Variants in EIF2AK4 observed in about 807,000 individuals in gnomAD.
EIF2AK4 encodes eukaryotic translation initiation factor 2 alpha kinase 4, also known as eIF-2-alpha kinase GCN2.
Under a neutral mutation model 211.1 loss-of-function variants are expected in EIF2AK4, and 139 were observed. The ratio of observed to expected loss-of-function variants is 0.66; its 90% CI spans 0.57 to 0.76. The LOEUF (loss-of-function observed/expected upper bound fraction) is 0.76. Ranked by LOEUF, EIF2AK4 falls within the 30% of genes least tolerant of loss-of-function variation. EIF2AK4 has a pLI of 0.00. For missense variants in EIF2AK4, 1,664 were observed against 2,043.8 expected, an observed-to-expected ratio of 0.81 and a Z score of 3.58; for synonymous variants, 710 against 751.3, an observed-to-expected ratio of 0.94 and a Z score of 0.90.
chr15:39,983,955 G>C (rs985579720), intron 13 of EIF2AK4, among the ~76,000 whole-genome samples: 1 of 152,070 alleles, frequency 6.6e-6, no homozygotes, highest in Non-Finnish European at 1.5e-5. Context: ...GTATTGCCTA[G>C]GTTTTCTTCT....
chr15:39,989,151 G>A (rs901095916), intron 15 of EIF2AK4, among the ~76,000 whole-genome samples: 1 of 152,216 alleles, frequency 6.6e-6, no homozygotes, highest in African/African-American at 2.4e-5. Context: ...GAGTAACTTA[G>A]CTTGTCGCAT....
At chr15:39,934,597 A>T (rs1006062409) in intron 1 of EIF2AK4, among the ~76,000 whole-genome samples, 2 of 152,092 alleles carry the variant, frequency 1.3e-5, no homozygotes, top group Non-Finnish European at 2.9e-5. Context: ...CTTACCTGGC[A>T]CTGCTTCTTA....
At chr15:39,995,093 C>G (rs2035001439) in intron 18 of EIF2AK4, among the ~76,000 whole-genome samples, 1 of 152,164 alleles carries the variant, frequency 6.6e-6, no homozygotes, top group Non-Finnish European at 1.5e-5. Flanking sequence ...CCACTTGCCT[C>G]AGCCTCCCAA....
At chr15:39,991,124 A>T (rs1211787861) in intron 16 of EIF2AK4, 2 of 152,310 alleles carry the variant, frequency 1.3e-5, no homozygotes, top group Non-Finnish European at 2.9e-5. Context: ...TGGGAAATGC[A>T]GTTAATTCCA....
At chr15:40,019,039 T>C in intron 29 of EIF2AK4, 54 bp from the exon 30 acceptor site, 1 of 1,319,060 alleles carries the variant, frequency 7.6e-7, no homozygotes, top group Non-Finnish European at 1.1e-6. Flanking sequence ...GTTTTCCCCG[T>C]AATCACAGTT....
At chr15:40,030,299 G>T (rs1300055347) in intron 34 of EIF2AK4, 60 bp from the exon 35 acceptor site, 2 of 1,505,514 alleles carry the variant, frequency 1.3e-6, no homozygotes, top group African/African-American at 1.4e-5. Flanking sequence ...TCTCTCTGTA[G>T]TATGTTGTAG....
chr15:40,008,144 T>C lies in EIF2AK4; in HGVS notation c.3525T>C (p.Ala1175=). The change falls in exon 25 of 39, where the codon GCT becomes GCC. Residue 1175 remains alanine, a synonymous_variant. Transcript: ENST00000263791. ...CCACCAACAGCTTTCTGCCCACTGC[T>C]GAAATTATCTACACTATCTATGAAA... ...TSTTNSFLPT[A]EIIYTIYEII... 1 of 1,612,462 alleles carries C rather than the reference T, an allele frequency of 6.2e-7. No individual in the cohort carries two copies. Among genetic ancestry groups the C allele is most frequent in the South Asian group, 1.1e-5 (1 of 90,598 alleles).
Position 40,009,675 on chromosome 15 carries a change from G to A in EIF2AK4, c.3638G>A (p.Cys1213Tyr). 1 of 1,610,478 alleles carries A rather than the reference G, an allele frequency of 6.2e-7. No individual in the cohort carries two copies. Among genetic ancestry groups the A allele is most frequent in the Non-Finnish European group, 8.5e-7 (1 of 1,178,504 alleles). The change falls in exon 26 of 39, where the codon TGT (cysteine) becomes TAT (tyrosine). Residue 1213 changes from cysteine to tyrosine, a missense_variant. Physicochemically the swap from Cys to Tyr is radical, Grantham distance 194. Around this residue, in one of 7 missense-constraint regions of EIF2AK4, gnomAD observed 622 missense variants for 796.8 expected, o/e 0.78. Transcript: ENST00000263791. ...TTATTGAAAGCAATACTCTTACACT[G>A]TGGGATCCCAGAAGATAAACTCAGT... ...TMLLKAILLH[C>Y]GIPEDKLSQV...
At chr15:39,953,509 T>A (rs1277326614) in intron 4 of EIF2AK4, among the ~76,000 whole-genome samples, 1 of 152,214 alleles carries the variant, frequency 6.6e-6, no homozygotes, top group Non-Finnish European at 1.5e-5. Flanking sequence ...TTCACCAAGC[T>A]GACCGGGACC....
At position 39,967,704 on chromosome 15, in the gene EIF2AK4, G is replaced by C. The variant is rs763402151; in HGVS notation, c.1378G>C (p.Glu460Gln). Reference sequence around the variant, plus strand: ...AGACATTTGCAAGGAGGATGTGTTTGAGCAAACCCGAGTTCGTTTTAGTGA... The same window carrying C: ...AGACATTTGCAAGGAGGATGTGTTTCAGCAAACCCGAGTTCGTTTTAGTGA... ...LADICKEDVF[E>Q]QTRVRFSDNA... Residue 460 changes from glutamate to glutamine, a missense_variant, in exon 9 of 39, where the codon GAG (glutamate) becomes CAG (glutamine). This residue lies in a region of EIF2AK4 where 641 missense variants were observed against 729.6 expected (regional missense o/e 0.88). Transcript: ENST00000263791. 6.2e-7 allele frequency: 1 copy of C among 1,614,198 alleles called. No homozygotes were observed. Among genetic ancestry groups the C allele is most frequent in the Non-Finnish European group, 8.5e-7 (1 of 1,180,036 alleles).
intron 32 of EIF2AK4, among the ~76,000 whole-genome samples, chr15:40,024,270 AC>A (rs1448254143): frequency 2.0e-5 from 3 of 149,214 alleles, no homozygotes; most frequent in African/African-American, 7.7e-5. Context: ...CTGGCCTTGA[AC>A]GCCTGGGCTC....
chr15:39,934,181 G>A lies in EIF2AK4; in HGVS notation c.-15G>A. On this transcript the variant is annotated 5_prime_UTR_variant, in exon 1 of 39. Coordinates refer to ENST00000263791, the MANE Select transcript of EIF2AK4 (RefSeq NM_001013703.4). ...CGCCCAGGCAAGGCCGCCCTGCCTTGGGCGCAGCGCTGCCATGGCTGGGGG... is the reference window on the plus strand; with the variant it reads ...CGCCCAGGCAAGGCCGCCCTGCCTTAGGCGCAGCGCTGCCATGGCTGGGGG... The A allele has an allele frequency of 1.3e-6, 2 of 1,503,884 alleles. No homozygotes were observed. The highest frequency in any genetic ancestry group is 2.9e-5 in the African/African-American group (2 of 69,566). 93.2% of individuals were successfully genotyped at this position (1,503,884 alleles called of 1,614,324 possible). A position where few individuals can be genotyped will look rare whatever the true frequency, so the allele number is the denominator to read the frequency against.
intron 34 of EIF2AK4, 84 bp downstream of exon 34, chr15:40,029,548 C>T (rs2035510842): frequency 3.7e-6 from 5 of 1,351,562 alleles, no homozygotes; most frequent in Non-Finnish European, 4.1e-6. Context: ...CTGCTTGTGA[C>T]ACTGGAAATC....
intron 38 of EIF2AK4, 80 bp from the exon 39 acceptor site, chr15:40,034,947 A>C: frequency 1.8e-6 from 2 of 1,107,236 alleles, no homozygotes; most frequent in Non-Finnish European, 2.6e-6. Flanking sequence ...AAGCTCCTAC[A>C]GGTGTTATAA....
At chr15:40,020,832 A>G (rs2035377005) in intron 30 of EIF2AK4, 67 bp from the exon 31 acceptor site, 1 of 1,439,868 alleles carries the variant, frequency 6.9e-7, no homozygotes, top group Non-Finnish European at 9.3e-7. Flanking sequence ...TCCCCTCCTG[A>G]TGCTGGTTTC....
intron 6 of EIF2AK4, among the ~76,000 whole-genome samples, chr15:39,957,718 G>A (rs1300607473): frequency 6.6e-6 from 1 of 152,144 alleles, no homozygotes; most frequent in African/African-American, 2.4e-5. Context: ...GTAGGTGCCT[G>A]GTCAACATCT....
rs1049779930 is a variant in EIF2AK4 at position 39,969,989 on chromosome 15, C to T, written c.1553+2110C>T. 2.0e-5 allele frequency among the ~76,000 whole-genome samples: 3 copies of T among 152,292 alleles called. No homozygotes were observed. The East Asian group carries it at 5.8e-4, about 29-fold the overall frequency. Reference sequence around the variant, plus strand: ...CCTACTGGCTGAGTGAATTAACCCCCTGCCCTGCGTTTCCTCCTCTGTGAA... The same window carrying T: ...CCTACTGGCTGAGTGAATTAACCCCTTGCCCTGCGTTTCCTCCTCTGTGAA... On this transcript the variant is annotated intron_variant, in intron 9 of 38. Transcript: ENST00000263791.
In EIF2AK4 at chr15:39,955,752, T is replaced by C; in HGVS notation, c.727T>C (p.Ser243Pro). ...FVGNGKHRAN[S>P]SGRSRRERQY... ...AGGAAATGGTAAACATCGGGCAAACTCCTCAGGAAGGTCTAGGTAAGTCCC... is the reference window on the plus strand; with the variant it reads ...AGGAAATGGTAAACATCGGGCAAACCCCTCAGGAAGGTCTAGGTAAGTCCC... The change falls in exon 6 of 39, where the codon TCC (serine) becomes CCC (proline). Residue 243 changes from serine to proline, a missense_variant. By Grantham distance (74) the Ser-to-Pro change is moderately conservative. Around this residue, in one of 7 missense-constraint regions of EIF2AK4, gnomAD observed 641 missense variants for 729.6 expected, o/e 0.88. Transcript: ENST00000263791. The C allele has an allele frequency of 1.2e-6, 2 of 1,610,918 alleles. No individual in the cohort carries two copies. The highest frequency in any genetic ancestry group is 1.7e-6 in the Non-Finnish European group (2 of 1,179,108).
At chr15:39,936,118 A>G (rs1189538813) in intron 1 of EIF2AK4, among the ~76,000 whole-genome samples, 1 of 152,232 alleles carries the variant, frequency 6.6e-6, no homozygotes, top group African/African-American at 2.4e-5. Flanking sequence ...ATGGAAGAGA[A>G]AAAGCAACTT....
Sources: allele counts gnomAD v4.1 joint callset (sites outside exome capture counted in the v4.1 genomes callset), GRCh38; gene constraint gnomAD v4.1.1; regional missense constraint gnomAD v4.1.1; transcripts MANE v1.5; gene names NCBI Gene and HGNC (gene_info 2026-07-23, HGNC 2026-07-21).